Variants in RTN4RL1 observed in about 807,000 individuals in gnomAD.
RTN4RL1 encodes reticulon 4 receptor like 1, also known as reticulon-4 receptor-like 1.
In RTN4RL1, 7 loss-of-function variants were observed where a neutral mutation model predicts 25.6. The observed-to-expected ratio is 0.27, with a 90% CI of 0.16 to 0.51. RTN4RL1 has a LOEUF of 0.51. Among genes scored for constraint, RTN4RL1 ranks in the 20% least tolerant of loss-of-function variants. RTN4RL1 has a pLI of 0.97. For missense variants in RTN4RL1, 500 were observed against 615.6 expected (o/e 0.81, Z 1.99); for synonymous variants, 297 against 288.2 (o/e 1.03, Z -0.31).
intron 1 of RTN4RL1, among the ~76,000 whole-genome samples, chr17:1,950,992 G>A (rs923692956): frequency 1.2e-4 from 18 of 151,924 alleles, no homozygotes; most frequent in Non-Finnish European, 1.0e-4. Context: ...ATGGCTGGGC[G>A]CGGTGGCTCA....
At chr17:1,942,920 G>C (rs912818441) in intron 1 of RTN4RL1, among the ~76,000 whole-genome samples, 1 of 152,200 alleles carries the variant, frequency 6.6e-6, no homozygotes, top group Non-Finnish European at 1.5e-5. Context: ...TGTCTCTCAG[G>C]CTCTAAGTAC....
In RTN4RL1 at chr17:2,025,123, C is replaced by T. The variant is rs1007994200; in HGVS notation, c.-258G>A. On this transcript the variant is annotated 5_prime_UTR_variant, in exon 1 of 2. Coordinates refer to ENST00000331238, the MANE Select transcript of RTN4RL1 (RefSeq NM_178568.4). This position sits in a 1 kb window ranked among gnomAD's most constrained non-coding sequence, Gnocchi z 4.8. The stretch of plus-strand genomic sequence containing the variant: ...GCTTGCTCAGCCCCGGGGCGAGCGG[C>T]TTGCTCCGCGGAGCCGGCGGCCTGC... The T allele has an allele frequency of 2.9e-6, 1 of 339,154 alleles. No individual in the cohort carries two copies. The highest frequency in any genetic ancestry group is 4.4e-5 in the East Asian group (1 of 22,608). The allele number at this position is 339,154 out of a possible 1,614,324, so 21.0% of individuals were successfully genotyped here.
At chr17:2,004,647 C>T (rs968339617) in intron 1 of RTN4RL1, among the ~76,000 whole-genome samples, 2 of 152,204 alleles carry the variant, frequency 1.3e-5, no homozygotes, top group African/African-American at 2.4e-5. Context: ...CCGCCTGCAC[C>T]GCCTTAGGGG....
At chr17:2,012,199 G>A (rs2067058733) in intron 1 of RTN4RL1, among the ~76,000 whole-genome samples, 2 of 152,314 alleles carry the variant, frequency 1.3e-5, no homozygotes, top group South Asian at 2.1e-4. Flanking sequence ...TACAAATTTT[G>A]TTCCAAACAC....
chr17:1,952,359 T>C (rs974678430), intron 1 of RTN4RL1, among the ~76,000 whole-genome samples: 8 of 134,818 alleles, frequency 5.9e-5, no homozygotes, highest in South Asian at 2.5e-4. Context: ...TTTTTTGAGA[T>C]GGAGTGTCAC....
chr17:2,003,185 A>G (rs927696550), intron 1 of RTN4RL1: 6 of 152,256 alleles, frequency 3.9e-5, no homozygotes, highest in African/African-American at 1.4e-4. Flanking sequence ...GGGGCCAGGC[A>G]TAAGTGTGGT....
chr17:1,971,834 C>T lies in RTN4RL1; in HGVS notation c.14-34026G>A, dbSNP rs369792278. 4.2e-4 allele frequency among the ~76,000 whole-genome samples: 63 copies of T among 151,790 alleles called. No homozygotes were observed. The South Asian group carries it at 5.2e-3, about 13-fold the overall frequency. On this transcript the variant is annotated intron_variant, in intron 1 of 1. Transcript: ENST00000331238. ...AACATTAGCCAGGTGTGGTGGCGGG[C>T]GCCTGTAGTCCCAGCTACTCGGGAG...
chr17:2,021,320 T>C (rs144821598), intron 1 of RTN4RL1, among the ~76,000 whole-genome samples: 3,124 of 152,194 alleles, frequency 0.021, 110 homozygotes, highest in African/African-American at 0.07. Flanking sequence ...CCTCACTGCA[T>C]AGGGCACCCC....
intron 1 of RTN4RL1, among the ~76,000 whole-genome samples, chr17:1,996,279 T>C (rs1049243069): frequency 5.9e-5 from 9 of 152,202 alleles, no homozygotes; most frequent in Non-Finnish European, 1.5e-5. Flanking sequence ...CAGTCTTTTA[T>C]CACTGCCAGT....
At chr17:1,956,990 T>C (rs1264378826) in intron 1 of RTN4RL1, among the ~76,000 whole-genome samples, 2 of 152,192 alleles carry the variant, frequency 1.3e-5, no homozygotes, top group African/African-American at 4.8e-5. Flanking sequence ...TCCACCCGCC[T>C]TGGCCTCCCA....
chr17:1,967,317 C>G (rs532811859), intron 1 of RTN4RL1, among the ~76,000 whole-genome samples: 1 of 152,184 alleles, frequency 6.6e-6, no homozygotes, highest in Non-Finnish European at 1.5e-5. Context: ...TGGATTCCGC[C>G]GGAGGCCAAG....
At chr17:1,944,171 T>C (rs1376260825) in intron 1 of RTN4RL1, among the ~76,000 whole-genome samples, 3 of 152,008 alleles carry the variant, frequency 2.0e-5, no homozygotes, top group African/African-American at 7.3e-5. Flanking sequence ...CCTCCCGAAG[T>C]GCTGGGATTA....
intron 1 of RTN4RL1, among the ~76,000 whole-genome samples, chr17:1,945,892 A>C (rs757419050): frequency 1.1e-4 from 16 of 152,196 alleles, no homozygotes; most frequent in Admixed American, 5.2e-4. Context: ...GGGGACTGAG[A>C]GATGCTGCTC....
intron 1 of RTN4RL1, among the ~76,000 whole-genome samples, chr17:1,997,569 G>A (rs540927098): frequency 6.6e-6 from 1 of 152,354 alleles, no homozygotes; most frequent in East Asian, 1.9e-4. Flanking sequence ...ATAAACCACT[G>A]CATGAATGAG....
At chr17:1,947,500 C>T (rs1915581464) in intron 1 of RTN4RL1, among the ~76,000 whole-genome samples, 1 of 152,234 alleles carries the variant, frequency 6.6e-6, no homozygotes, top group South Asian at 2.1e-4. Flanking sequence ...CTCCCGCCCT[C>T]CTCCCGACAC....
At chr17:1,945,219 G>A (rs1567849514) in intron 1 of RTN4RL1, among the ~76,000 whole-genome samples, 1 of 152,042 alleles carries the variant, frequency 6.6e-6, no homozygotes, top group African/African-American at 2.4e-5. Context: ...TGAGCAACCT[G>A]GTGGTTTTGT....
chr17:1,979,686 C>T (rs777868735), intron 1 of RTN4RL1, among the ~76,000 whole-genome samples: 9 of 152,134 alleles, frequency 5.9e-5, no homozygotes, highest in Admixed American at 2.0e-4. Flanking sequence ...GCAATCACTG[C>T]GCACCTGCTA....
At chr17:1,964,006 G>T (rs894771452) in intron 1 of RTN4RL1, among the ~76,000 whole-genome samples, 1 of 152,138 alleles carries the variant, frequency 6.6e-6, no homozygotes, top group African/African-American at 2.4e-5. Context: ...GATTACAGGC[G>T]TGAGCCACCG....
At chr17:1,988,432 G>GAAAAC (rs1416805163) in intron 1 of RTN4RL1, among the ~76,000 whole-genome samples, 2 of 130,366 alleles carry the variant, frequency 1.5e-5, no homozygotes, top group Non-Finnish European at 3.3e-5. Context: ...GAAAAGAAAA[G>GAAAAC]AAGGAGCCAC....
Sources: gnomAD v4.1 joint callset for allele counts (sites outside exome capture counted in the v4.1 genomes callset) on GRCh38, gnomAD v4.1.1 for gene constraint, Gnocchi (gnomAD v3.1) non-coding constraint, MANE v1.5 for transcripts, NCBI Gene and HGNC (gene_info 2026-07-23, HGNC 2026-07-21) for gene names.